TNKS: variants seen among roughly 807,000 people sequenced by gnomAD.
TNKS encodes the protein tankyrase, also known as poly [ADP-ribose] polymerase tankyrase-1.
In TNKS, 72 loss-of-function variants were observed where a neutral mutation model predicts 135.8. The observed-to-expected ratio is 0.53, with a 90% CI of 0.44 to 0.64. The LOEUF (loss-of-function observed/expected upper bound fraction) is 0.64, where lower values mean the gene tolerates loss of function less well. TNKS is among the 30% of genes least tolerant of loss of function. TNKS has a pLI of 0.00. For synonymous variants in TNKS, 849 were observed against 649.3 expected (o/e 1.31, Z -4.68); for missense variants, 1,769 against 1,674.0 (o/e 1.06, Z -0.99).
intron 5 of TNKS, among the ~76,000 whole-genome samples, chr8:9,690,307 C>T (rs1202936456): frequency 1.3e-5 from 2 of 152,122 alleles, no homozygotes; most frequent in African/African-American, 2.4e-5. Context: ...GATAATGTGA[C>T]GTTAAAATTG....
chr8:9,773,519 TA>T (rs1216868676), intron 26 of TNKS, among the ~76,000 whole-genome samples: 1 of 152,170 alleles, frequency 6.6e-6, no homozygotes. Flanking sequence ...CCATATGTTT[TA>T]AATATAAGTT....
chr8:9,746,645 A>G (rs940265500), intron 17 of TNKS, among the ~76,000 whole-genome samples: 2 of 152,002 alleles, frequency 1.3e-5, no homozygotes, highest in Admixed American at 6.5e-5. Context: ...TTAATCCCCT[A>G]TTCCATTTCG....
At chr8:9,769,139 A>G (rs1271783040) in intron 25 of TNKS, among the ~76,000 whole-genome samples, 1 of 152,232 alleles carries the variant, frequency 6.6e-6, no homozygotes, top group East Asian at 1.9e-4. Context: ...TCCCTGTCAC[A>G]GTAACTCAAT....
intron 1 of TNKS, among the ~76,000 whole-genome samples, chr8:9,564,494 C>T (rs1797451003): frequency 6.6e-6 from 1 of 152,108 alleles, no homozygotes; most frequent in Non-Finnish European, 1.5e-5. Context: ...TAAACATGAG[C>T]TCTGTGATGA....
At chr8:9,645,785 A>G (rs1252156020) in intron 3 of TNKS, among the ~76,000 whole-genome samples, 1 of 152,068 alleles carries the variant, frequency 6.6e-6, no homozygotes, top group Non-Finnish European at 1.5e-5. Flanking sequence ...TATTTTTTGA[A>G]ACTTACTTTG....
intron 13 of TNKS, among the ~76,000 whole-genome samples, chr8:9,730,471 T>G (rs1423426557): frequency 1.3e-5 from 2 of 152,152 alleles, no homozygotes; most frequent in African/African-American, 4.8e-5. Flanking sequence ...TGACTCACAT[T>G]AGAGACGGCA....
At chr8:9,773,692 TAG>T (rs1195812117) in intron 26 of TNKS, among the ~76,000 whole-genome samples, 1 of 151,958 alleles carries the variant, frequency 6.6e-6, no homozygotes, top group Non-Finnish European at 1.5e-5. Flanking sequence ...GAAATAATTT[TAG>T]AGAGTGATTA....
intron 3 of TNKS, among the ~76,000 whole-genome samples, chr8:9,633,022 C>T (rs932969579): frequency 3.3e-5 from 5 of 152,222 alleles, no homozygotes; most frequent in Non-Finnish European, 7.3e-5. Context: ...AGCCACCGCA[C>T]CCGGCCCTCT....
Position 9,752,625 on chromosome 8 carries a change from AG to A in TNKS, c.3153+1del. 6.3e-7 allele frequency: 1 copy of A among 1,598,004 alleles called. No homozygotes were observed. Among genetic ancestry groups the A allele is most frequent in the Non-Finnish European group, 8.6e-7 (1 of 1,166,560 alleles). ...EHLRDIFETE[Q>X]ITLDVLADMG... ...CTTCGGGATATCTTTGAAACAGAAC[AG>A]GTAAATACTCTTGTATATATTTGAG... is the stretch of plus-strand genomic sequence containing the variant. On this transcript the variant is annotated frameshift_variant and splice_region_variant, in exon 20 of 27. Transcript: ENST00000310430. LOFTEE classifies it high-confidence loss of function.
intron 1 of TNKS, among the ~76,000 whole-genome samples, chr8:9,561,772 C>A (rs1444889290): frequency 6.6e-6 from 1 of 152,112 alleles, no homozygotes; most frequent in African/African-American, 2.4e-5. Context: ...TAAGAAACTG[C>A]CAACACCTTT....
intron 17 of TNKS, among the ~76,000 whole-genome samples, chr8:9,747,093 G>T (rs1018936790): frequency 5.9e-5 from 9 of 151,988 alleles, no homozygotes; most frequent in South Asian, 2.1e-4. Context: ...ATGTTGGCCA[G>T]GCTGGTCTCG....
rs1235642262 is a variant in TNKS at position 9,734,984 on chromosome 8, C to T, written c.2433C>T (p.Ala811=). The change falls in exon 16 of 27, where the codon GCC becomes GCT. Residue 811 remains alanine (A), a synonymous_variant. Transcript: ENST00000310430. The part of the protein sequence containing the change: ...LRGDAALLDA[A]KKGCLARVQK... ...GGGATGCTGCTTTGTTGGATGCTGC[C>T]AAGAAGGGCTGCCTGGCAAGAGTGC... The T allele has an allele frequency of 1.9e-6, 3 of 1,614,126 alleles. No homozygotes were observed. The highest frequency in any genetic ancestry group is 2.5e-6 in the Non-Finnish European group (3 of 1,180,022).
chr8:9,732,618 T>C (rs547455297), intron 14 of TNKS, among the ~76,000 whole-genome samples: 2 of 152,090 alleles, frequency 1.3e-5, no homozygotes, highest in South Asian at 4.2e-4. Context: ...ACTTTGCTTC[T>C]GCCATGTGTT....
At chr8:9,736,381 G>A (rs1436132087) in intron 17 of TNKS, among the ~76,000 whole-genome samples, 1 of 149,528 alleles carries the variant, frequency 6.7e-6, no homozygotes, top group East Asian at 2.0e-4. Context: ...AAAATTAAAT[G>A]GTTGAGCAGT....
intron 2 of TNKS, among the ~76,000 whole-genome samples, chr8:9,600,733 A>G (rs982451397): frequency 2.0e-4 from 31 of 152,230 alleles, no homozygotes; most frequent in Admixed American, 1.5e-3. Flanking sequence ...TGTTCCAAGT[A>G]TGCTAGTCCC....
chr8:9,762,682 C>T (rs1385327466), intron 21 of TNKS, among the ~76,000 whole-genome samples: 2 of 152,036 alleles, frequency 1.3e-5, no homozygotes, highest in Admixed American at 6.6e-5. Context: ...GCAGGCAGAT[C>T]ATGAGGTCAG....
chr8:9,571,394 T>C (rs1462528336), intron 1 of TNKS, among the ~76,000 whole-genome samples: 4 of 152,180 alleles, frequency 2.6e-5, no homozygotes, highest in Non-Finnish European at 4.4e-5. Flanking sequence ...GGATATACTG[T>C]GTTTGTTTTG....
chr8:9,729,196 A>T (rs1211579167), intron 13 of TNKS, among the ~76,000 whole-genome samples: 3 of 152,194 alleles, frequency 2.0e-5, no homozygotes, highest in East Asian at 1.9e-4. Flanking sequence ...TTAAGCCCAC[A>T]TTCAGGAGGG....
chr8:9,764,686 T>C, intron 22 of TNKS, 30 bp from the exon 23 acceptor site: 1 of 1,558,656 alleles, frequency 6.4e-7, no homozygotes, highest in Non-Finnish European at 8.7e-7. Flanking sequence ...ACTGGGATGT[T>C]TTTATAAAAT....
Sources: allele counts gnomAD v4.1 joint callset (sites outside exome capture counted in the v4.1 genomes callset), GRCh38; gene constraint gnomAD v4.1.1; transcripts MANE v1.5; gene names NCBI Gene and HGNC (gene_info 2026-07-23, HGNC 2026-07-21).